The following SRC variants were observed in gnomAD, a reference collection of about 807,000 sequenced individuals.
SRC encodes the protein proto-oncogene tyrosine-protein kinase Src.
Under a neutral mutation model 62.9 loss-of-function variants are expected in SRC, and 13 were observed. The ratio of observed to expected loss-of-function variants is 0.21; its 90% CI spans 0.13 to 0.33. The LOEUF (loss-of-function observed/expected upper bound fraction) is 0.33. Ranked by LOEUF, SRC falls within the 10% of genes least tolerant of loss-of-function variation. SRC has a pLI of 1.00. For synonymous variants in SRC, 302 were observed against 317.5 expected (o/e 0.95, Z 0.52); for missense variants, 457 against 737.3 (o/e 0.62, Z 4.40).
chr20:37,373,398 T>C (rs544402996), intron 2 of SRC, among the ~76,000 whole-genome samples: 2 of 151,466 alleles, frequency 1.3e-5, no homozygotes, highest in Non-Finnish European at 2.9e-5. Context: ...CATATATGCG[T>C]ATATATACGC....
rs1172425959 is a variant in SRC at position 37,400,166 on chromosome 20, C to T, written c.911C>T (p.Thr304Met). 4 of 1,613,448 alleles carry T rather than the reference C, an allele frequency of 2.5e-6. No homozygotes were observed. Among genetic ancestry groups the T allele is most frequent in the Non-Finnish European group, 3.4e-6 (4 of 1,179,736 alleles). Residue 304 changes from threonine to methionine, a missense_variant, in exon 10 of 14, where the codon ACG becomes ATG. Physicochemically the swap from Thr to Met is moderately conservative, Grantham distance 81. Transcript: ENST00000373578. ...GCCATCAAAACCCTGAAGCCTGGCACGATGTCTCCAGAGGCCTTCCTGCAG... is the reference window on the plus strand; with the variant it reads ...GCCATCAAAACCCTGAAGCCTGGCATGATGTCTCCAGAGGCCTTCCTGCAG... ...RVAIKTLKPG[T>M]MSPEAFLQEA...
At chr20:37,385,841 C>T (rs1038731124) in intron 4 of SRC, among the ~76,000 whole-genome samples, 4 of 152,246 alleles carry the variant, frequency 2.6e-5, no homozygotes, top group South Asian at 4.1e-4. Flanking sequence ...GCCCCGGGGA[C>T]GGACGCGGAC....
chr20:37,357,959 G>T (rs757445269), intron 1 of SRC, among the ~76,000 whole-genome samples: 2 of 152,198 alleles, frequency 1.3e-5, no homozygotes, highest in African/African-American at 4.8e-5. Flanking sequence ...GCGAGGGGAG[G>T]GATGGGGTTG....
chr20:37,362,414 A>T (rs977775014), intron 1 of SRC, among the ~76,000 whole-genome samples: 1 of 152,122 alleles, frequency 6.6e-6, no homozygotes, highest in Non-Finnish European at 1.5e-5. Context: ...GTTAGCCCTC[A>T]GCAGGCTGGG....
chr20:37,397,902 G>C lies in SRC; in HGVS notation c.859+48G>C. On this transcript the variant is annotated intron_variant, in intron 9 of 13. Coordinates refer to ENST00000373578, the MANE Select transcript of SRC (RefSeq NM_198291.3). This position sits in a 1 kb window ranked among gnomAD's most constrained non-coding sequence, Gnocchi z 4.1. ...GGGAGAGGCATCCACCCCCCACCCC[G>C]TGTGGCAGCTCCGGGCTCCCTTGGT... The C allele has an allele frequency of 6.4e-7, 1 of 1,566,162 alleles. No individual in the cohort carries two copies. The highest frequency in any genetic ancestry group is 8.6e-7 in the Non-Finnish European group (1 of 1,159,168).
chr20:37,403,176 G>A lies in SRC; in HGVS notation c.1408G>A (p.Val470Met). The change falls in exon 14 of 14, where the codon GTG (valine) becomes ATG (methionine). Residue 470 changes from valine (V) to methionine (M), a missense_variant. This residue lies in a region of SRC where 168 missense variants were observed against 357.8 expected (regional missense o/e 0.47). Coordinates refer to ENST00000373578, the MANE Select transcript of SRC (RefSeq NM_198291.3). This position sits in a 1 kb window ranked among gnomAD's most constrained non-coding sequence, Gnocchi z 7.1. ...TKGRVPYPGMVNREVLDQVER... is the reference protein window; with the variant it reads ...TKGRVPYPGMMNREVLDQVER... ...ATGCCTCGCTCTGCCCACAGGGATGGTGAACCGCGAGGTGCTGGACCAGGT... is the reference window on the plus strand; with the variant it reads ...ATGCCTCGCTCTGCCCACAGGGATGATGAACCGCGAGGTGCTGGACCAGGT... 1 of 1,541,760 alleles carries A rather than the reference G, an allele frequency of 6.5e-7. No homozygotes were observed. The highest frequency in any genetic ancestry group is 8.7e-7 in the Non-Finnish European group (1 of 1,147,436).
intron 1 of SRC, among the ~76,000 whole-genome samples, chr20:37,349,883 C>T (rs1215069360): frequency 6.6e-6 from 1 of 152,218 alleles, no homozygotes; most frequent in Non-Finnish European, 1.5e-5. Context: ...TCGAAGCCTG[C>T]CTTCGGTGTG....
intron 2 of SRC, among the ~76,000 whole-genome samples, chr20:37,365,487 A>C (rs1392065905): frequency 2.1e-5 from 3 of 144,966 alleles, no homozygotes; most frequent in African/African-American, 8.0e-5. Context: ...CATGTATATT[A>C]ACAATTTTTT....
chr20:37,377,219 G>T (rs2070291719), intron 2 of SRC, among the ~76,000 whole-genome samples: 1 of 152,182 alleles, frequency 6.6e-6, no homozygotes, highest in South Asian at 2.1e-4. Context: ...ATTGTGTGCT[G>T]TTTGTCATGC....
rs1451297849 is a variant in SRC at position 37,396,768 on chromosome 20, G to T, written c.703+457G>T. On this transcript the variant is annotated intron_variant, in intron 8 of 13. Coordinates refer to ENST00000373578, the MANE Select transcript of SRC (RefSeq NM_198291.3). The surrounding 1 kb of genome is among the most constrained non-coding windows in gnomAD (Gnocchi z 6.1). Reference sequence around the variant, plus strand: ...GGCAGAGGGAGCTCGCGGGGCTTGCGTGCTGGGTGAGGGCTCGGGCGTGGG... The same window carrying T: ...GGCAGAGGGAGCTCGCGGGGCTTGCTTGCTGGGTGAGGGCTCGGGCGTGGG... 1 of 191,550 alleles carries T rather than the reference G, an allele frequency of 5.2e-6. No individual in the cohort carries two copies. The allele number at this position is 191,550 out of a possible 1,614,324, so 11.9% of individuals were successfully genotyped here.
chr20:37,349,616 G>T (rs927487430), intron 1 of SRC, among the ~76,000 whole-genome samples: 1 of 152,226 alleles, frequency 6.6e-6, no homozygotes, highest in East Asian at 1.9e-4. Context: ...CCTGCTTTGC[G>T]CTGTTGCATT....
chr20:37,358,667 C>T (rs1406637233), intron 1 of SRC, among the ~76,000 whole-genome samples: 2 of 152,220 alleles, frequency 1.3e-5, no homozygotes. Flanking sequence ...TGATAGAGGC[C>T]CCTTTTCTGC....
intron 1 of SRC, among the ~76,000 whole-genome samples, chr20:37,360,598 T>A (rs1345171866): frequency 6.6e-6 from 1 of 152,200 alleles, no homozygotes; most frequent in African/African-American, 2.4e-5. Flanking sequence ...GTGCAACTGA[T>A]GTCTCTGGAC....
At chr20:37,378,418 C>A (rs1242091412) in intron 2 of SRC, among the ~76,000 whole-genome samples, 1 of 152,094 alleles carries the variant, frequency 6.6e-6, no homozygotes, top group Non-Finnish European at 1.5e-5. Flanking sequence ...CCACATTAAG[C>A]CCACTGCCTG....
chr20:37,368,518 CTTTTTTTTT>C (rs1352624429), intron 2 of SRC, among the ~76,000 whole-genome samples: 7 of 73,920 alleles, frequency 9.5e-5, no homozygotes, highest in South Asian at 5.8e-4. Flanking sequence ...CCTATATTTT[CTTTTTTTTT>C]TTTTTTTTTT....
At chr20:37,359,686 C>T (rs1600960544) in intron 1 of SRC, among the ~76,000 whole-genome samples, 1 of 152,024 alleles carries the variant, frequency 6.6e-6, no homozygotes, top group African/African-American at 2.4e-5. Flanking sequence ...GAGGGCGGAT[C>T]AGGGAGGGCA....
chr20:37,394,393 G>T, intron 7 of SRC, 116 bp downstream of exon 7: 1 of 855,816 alleles, frequency 1.2e-6, no homozygotes. Context: ...AACCTTCCGG[G>T]TGGAGGTAAT....
intron 11 of SRC, 89 bp downstream of exon 11, chr20:37,401,767 C>CCCTCCAAGAAGCCTGCCTTGATTGCCT: frequency 1.1e-6 from 1 of 923,090 alleles, no homozygotes; most frequent in South Asian, 1.7e-5. Flanking sequence ...CTTGAGTGCC[C>CCCTCCAAGAAGCCTGCCTTGATTGCCT]CCTCCAAGAA....
intron 1 of SRC, among the ~76,000 whole-genome samples, chr20:37,347,729 C>A (rs1369498890): frequency 1.3e-5 from 2 of 152,176 alleles, no homozygotes; most frequent in Non-Finnish European, 2.9e-5. Flanking sequence ...TACTGAACAC[C>A]TTTTAGGAGG....
Sources: allele counts gnomAD v4.1 joint callset (sites outside exome capture counted in the v4.1 genomes callset), GRCh38; gene constraint gnomAD v4.1.1; regional missense constraint gnomAD v4.1.1; non-coding constraint Gnocchi (gnomAD v3.1); transcripts MANE v1.5; gene names NCBI Gene and HGNC (gene_info 2026-07-23, HGNC 2026-07-21).